Variants in DEFB125 observed in about 807,000 individuals in gnomAD.
The protein encoded by DEFB125 is defensin beta 125.
DEFB125 carries 11 observed loss-of-function variants against 11.8 expected under a neutral mutation model. That is an observed-to-expected ratio of 0.94 (90% CI 0.59 to 1.55). The LOEUF is 1.55. Ranked by LOEUF, DEFB125 falls within the 40% of genes most tolerant of loss-of-function variation. The pLI, the probability that DEFB125 is intolerant of heterozygous loss-of-function variation, is 0.00. For synonymous variants in DEFB125, 79 were observed against 66.7 expected (o/e 1.18, Z -0.90); for missense variants, 198 against 191.2 (o/e 1.04, Z -0.21).
At chr20:95,363 G>A (rs1280939224) in intron 1 of DEFB125, among the ~76,000 whole-genome samples, 1 of 151,876 alleles carries the variant, frequency 6.6e-6, no homozygotes, top group Non-Finnish European at 1.5e-5. Flanking sequence ...TACTTTAAAT[G>A]CTATCCATAA....
intron 1 of DEFB125, among the ~76,000 whole-genome samples, chr20:91,144 A>G (rs2054494688): frequency 6.6e-6 from 1 of 152,078 alleles, no homozygotes; most frequent in Non-Finnish European, 1.5e-5. Flanking sequence ...TTTTAAAATC[A>G]GATTATTTGT....
intron 1 of DEFB125, 84 bp from the exon 2 acceptor site, chr20:95,917 TGTCA>T (rs1486214244): frequency 1.1e-5 from 14 of 1,228,802 alleles, no homozygotes; most frequent in South Asian, 6.2e-5. Context: ...TTAGTCTAGA[TGTCA>T]GTCAGTGTAA....
chr20:87,859 C>A, intron 1 of DEFB125, 92 bp downstream of exon 1: 1 of 1,379,788 alleles, frequency 7.2e-7, no homozygotes, highest in Non-Finnish European at 1.0e-6. Context: ...AGGGAATCTG[C>A]AGGAAAAATC....
At chr20:95,749 A>G (rs1192311486) in intron 1 of DEFB125, among the ~76,000 whole-genome samples, 1 of 151,992 alleles carries the variant, frequency 6.6e-6, no homozygotes, top group East Asian at 1.9e-4. Flanking sequence ...TAGGTTTCGT[A>G]TCAGTCTCAG....
chr20:92,023 G>T (rs1324080520), intron 1 of DEFB125, among the ~76,000 whole-genome samples: 1 of 151,986 alleles, frequency 6.6e-6, no homozygotes, highest in Non-Finnish European at 1.5e-5. Flanking sequence ...ATTTCCCAGA[G>T]GATAAAATAT....
At chr20:90,983 T>A (rs1429753840) in intron 1 of DEFB125, among the ~76,000 whole-genome samples, 1 of 152,192 alleles carries the variant, frequency 6.6e-6, no homozygotes, top group Non-Finnish European at 1.5e-5. Context: ...TTTGTCACCT[T>A]TTCATCTACA....
rs770080919 is a variant in DEFB125, at chr20:96,373, G to A, written c.427G>A (p.Glu143Lys). 32 of 1,613,608 alleles carry A rather than the reference G, an allele frequency of 2.0e-5. No homozygotes were observed. Among genetic ancestry groups the A allele is most frequent in the South Asian group, 1.3e-4 (12 of 91,036 alleles). ...GCCACCATCTGAGACTGCTACTTCCGAGACTATGCCACCACCTTCTCAGAC... is the reference window on the plus strand; with the variant it reads ...GCCACCATCTGAGACTGCTACTTCCAAGACTATGCCACCACCTTCTCAGAC... ...TMPPSETATSETMPPPSQTAL... is the reference protein window; with the variant it reads ...TMPPSETATSKTMPPPSQTAL... The change falls in exon 2 of 2, where the codon GAG (glutamate) becomes AAG (lysine). Residue 143 changes from glutamate (E) to lysine (K), a missense_variant. Glu to Lys is a moderately conservative substitution (Grantham distance 56, BLOSUM62 1). Transcript: ENST00000382410.
chr20:92,226 C>T (rs1263924323), intron 1 of DEFB125, among the ~76,000 whole-genome samples: 1 of 152,180 alleles, frequency 6.6e-6, no homozygotes, highest in East Asian at 1.9e-4. Flanking sequence ...TATCTAGGTA[C>T]TCCTTGGGCA....
chr20:88,051 T>TTAGTTCAGC (rs775587566), intron 1 of DEFB125, among the ~76,000 whole-genome samples: 3 of 152,196 alleles, frequency 2.0e-5, no homozygotes, highest in Non-Finnish European at 4.4e-5. Context: ...CTATCCAATG[T>TTAGTTCAGC]TAGTTCAGCC....
intron 1 of DEFB125, among the ~76,000 whole-genome samples, 196 bp from the exon 2 acceptor site, chr20:95,809 T>G (rs2054512441): frequency 6.6e-6 from 1 of 152,282 alleles, no homozygotes; most frequent in African/African-American, 2.4e-5. Context: ...TCTCCTTTTC[T>G]CCATACAACT....
At chr20:88,661 C>T (rs2054485248) in intron 1 of DEFB125, among the ~76,000 whole-genome samples, 1 of 152,002 alleles carries the variant, frequency 6.6e-6, no homozygotes, top group South Asian at 2.1e-4. Flanking sequence ...AATGTACTAG[C>T]AATATATTAG....
chr20:94,598 C>T (rs182522092), intron 1 of DEFB125, among the ~76,000 whole-genome samples: 23 of 152,298 alleles, frequency 1.5e-4, no homozygotes, highest in African/African-American at 4.1e-4. Flanking sequence ...GTGATGCTTG[C>T]ACACCTGCTG....
chr20:88,989 TTTTTCTACTACATTCAG>T (rs1277443986), intron 1 of DEFB125, among the ~76,000 whole-genome samples: 6 of 152,252 alleles, frequency 3.9e-5, no homozygotes, highest in Middle Eastern at 6.8e-3. Context: ...TCCTTTTTGT[TTTTTCTACTACATTCAG>T]TTTTCTACTA....
intron 1 of DEFB125, among the ~76,000 whole-genome samples, chr20:88,756 A>C (rs1194168046): frequency 1.3e-5 from 2 of 152,136 alleles, no homozygotes; most frequent in African/African-American, 4.8e-5. Context: ...ATTGCCTCAC[A>C]TTAATTACTC....
Position 96,261 on chromosome 20 carries a change from T to G in DEFB125, c.315T>G (p.Thr105=), listed in dbSNP as rs537226093. 1.3e-5 allele frequency: 21 copies of G among 1,614,104 alleles called. No homozygotes were observed. The South Asian group carries it at 2.3e-4, about 18-fold the overall frequency. ...MLNDLITFDT[T]KFGETMTPET... is the part of the protein sequence containing the mutation. ...ATGATCTGATAACATTTGACACAAC[T>G]AAATTTGGAGAAACCATGACACCTG... is the stretch of plus-strand genomic sequence containing the variant. Residue 105 remains threonine, a synonymous_variant, in exon 2 of 2, where the codon ACT becomes ACG. Coordinates refer to ENST00000382410, the MANE Select transcript of DEFB125 (RefSeq NM_153325.4).
chr20:94,403 G>A (rs914530380), intron 1 of DEFB125, among the ~76,000 whole-genome samples: 11 of 152,182 alleles, frequency 7.2e-5, no homozygotes, highest in Middle Eastern at 3.4e-3. Flanking sequence ...CAGTTTTTTC[G>A]ACGAGGTGAA....
chr20:87,868 T>C, intron 1 of DEFB125, 101 bp downstream of exon 1: 2 of 1,298,598 alleles, frequency 1.5e-6, no homozygotes, highest in Non-Finnish European at 2.2e-6. Flanking sequence ...GCAGGAAAAA[T>C]CTGGGCCAAC....
At position 96,250 on chromosome 20, in the gene DEFB125, T is replaced by C. The variant is rs2054514999; in HGVS notation, c.304T>C (p.Phe102Leu). The C allele has an allele frequency of 1.2e-6, 2 of 1,614,170 alleles. No individual in the cohort carries two copies. Among genetic ancestry groups the C allele is most frequent in the African/African-American group, 1.3e-5 (1 of 75,036 alleles). The stretch of plus-strand genomic sequence containing the variant: ...ATCTATGTTGAATGATCTGATAACA[T>C]TTGACACAACTAAATTTGGAGAAAC... ...PVSMLNDLIT[F>L]DTTKFGETMT... Residue 102 changes from phenylalanine to leucine, a missense_variant, in exon 2 of 2, where the codon TTT (phenylalanine) becomes CTT (leucine). Transcript: ENST00000382410.
Position 90,969 on chromosome 20 carries a change from A to G in DEFB125, c.58+3202A>G, listed in dbSNP as rs75048621. The stretch of plus-strand genomic sequence containing the variant: ...AATCTATTCTCCCTTCTTTCTGCAA[A>G]CCATTTGTCACCTTTTCATCTACAA... On this transcript the variant is annotated intron_variant, in intron 1 of 1. Transcript: ENST00000382410. Among the ~76,000 whole-genome samples, 87 of 152,288 alleles carry G rather than the reference A, an allele frequency of 5.7e-4. 2 individuals carry two copies. The East Asian group carries it at 0.015, about 26-fold the overall frequency.
Sources: allele counts gnomAD v4.1 joint callset (sites outside exome capture counted in the v4.1 genomes callset), GRCh38; gene constraint gnomAD v4.1.1; transcripts MANE v1.5; gene names NCBI Gene and HGNC (gene_info 2026-07-23, HGNC 2026-07-21).